The following AIM2 variants were observed in gnomAD, a reference collection of about 807,000 sequenced individuals.
AIM2 encodes absent in melanoma 2.
In AIM2, 30 loss-of-function variants were observed where a neutral mutation model predicts 27.7. That is an observed-to-expected ratio of 1.08 (90% CI 0.81 to 1.47). The LOEUF (loss-of-function observed/expected upper bound fraction) is 1.47, where lower values mean the gene tolerates loss of function less well. AIM2 is among the 40% of genes most tolerant of loss of function. The pLI is 0.00. For missense variants in AIM2, 358 were observed against 411.3 expected, an observed-to-expected ratio of 0.87 and a Z score of 1.12; for synonymous variants, 141 against 145.3, an observed-to-expected ratio of 0.97 and a Z score of 0.21.
At chr1:159,119,469 G>A (rs1316734860) in intron 1 of AIM2, among the ~76,000 whole-genome samples, 1 of 151,606 alleles carries the variant, frequency 6.6e-6, no homozygotes, top group African/African-American at 2.4e-5. Context: ...TTTTTTTGAT[G>A]CTCATATTGT....
At chr1:159,065,842 T>TAA (rs1172026765) in intron 4 of AIM2, 68 bp downstream of exon 4, 11 of 1,473,564 alleles carry the variant, frequency 7.5e-6, no homozygotes, top group Non-Finnish European at 1.0e-5. Flanking sequence ...TTTCCAAAGT[T>TAA]TCTTTAAGAT....
At chr1:159,131,656 T>C (rs1647888707) in intron 1 of AIM2, among the ~76,000 whole-genome samples, 1 of 152,162 alleles carries the variant, frequency 6.6e-6, no homozygotes, top group Non-Finnish European at 1.5e-5. Flanking sequence ...GACATATTCA[T>C]TTCAGTTGGA....
chr1:159,073,261 C>T lies in AIM2; in HGVS notation c.239G>A (p.Arg80His), dbSNP rs1173989623. 4.3e-6 allele frequency: 7 copies of T among 1,614,048 alleles called. No individual in the cohort carries two copies. The highest frequency in any genetic ancestry group is 4.0e-5 in the African/African-American group (3 of 74,910). ...ACCTTTCTCCTTCTCCTCCTGAAGACGTTTTGCCAAAAGCATATAATTCAA... is the reference window on the plus strand; with the variant it reads ...ACCTTTCTCCTTCTCCTCCTGAAGATGTTTTGCCAAAAGCATATAATTCAA... ...QKLNYMLLAK[R>H]LQEEKEKVDK... Residue 80 changes from arginine to histidine, a missense_variant, in exon 2 of 6, where the codon CGT becomes CAT. Transcript: ENST00000368130.
intron 1 of AIM2, among the ~76,000 whole-genome samples, chr1:159,082,149 G>T (rs1656792243): frequency 6.6e-6 from 1 of 152,122 alleles, no homozygotes. Flanking sequence ...AATAGAATTG[G>T]CATTCTTGAC....
intron 1 of AIM2, among the ~76,000 whole-genome samples, chr1:159,119,925 T>C (rs1122609): frequency 0.49 from 74,715 of 151,898 alleles, 21,780 homozygotes; most frequent in Admixed American, 0.65. Flanking sequence ...AAATTAGAGA[T>C]ACATTATATA....
At chr1:159,087,942 C>A (rs1656956381) in intron 1 of AIM2, among the ~76,000 whole-genome samples, 1 of 152,060 alleles carries the variant, frequency 6.6e-6, no homozygotes, top group Admixed American at 6.5e-5. Context: ...CCAGAGTGAT[C>A]CTTTGATCCC....
At position 159,066,190 on chromosome 1, in the gene AIM2, G is replaced by C; in HGVS notation, c.536C>G (p.Ala179Gly). The change falls in exon 4 of 6, where the codon GCT becomes GGT. Residue 179 changes from alanine to glycine, a missense_variant. Physicochemically the swap from Ala to Gly is moderately conservative, Grantham distance 60 (BLOSUM62 0). Coordinates refer to ENST00000368130, the MANE Select transcript of AIM2 (RefSeq NM_004833.3). ...GAATTCCTTTTCTGTAGCCACTGTAGCATGAAACATCTCCTGCTTGCCTTC... is the reference window on the plus strand; with the variant it reads ...GAATTCCTTTTCTGTAGCCACTGTACCATGAAACATCTCCTGCTTGCCTTC... ...TQEGKQEMFH[A>G]TVATEKEFFF... 1 of 1,614,190 alleles carries C rather than the reference G, an allele frequency of 6.2e-7. No individual in the cohort carries two copies. The highest frequency in any genetic ancestry group is 8.5e-7 in the Non-Finnish European group (1 of 1,180,032).
At chr1:159,136,184 C>T (rs1648007014) in intron 1 of AIM2, among the ~76,000 whole-genome samples, 1 of 152,140 alleles carries the variant, frequency 6.6e-6, no homozygotes, top group African/African-American at 2.4e-5. Context: ...TAGGACTCCG[C>T]TTGAAGAAGA....
At chr1:159,109,210 C>T (rs760714138) in intron 1 of AIM2, among the ~76,000 whole-genome samples, 1 of 152,014 alleles carries the variant, frequency 6.6e-6, no homozygotes, top group Non-Finnish European at 1.5e-5. Flanking sequence ...TAAAAATAGG[C>T]ACATAGAGCA....
chr1:159,068,341 A>G (rs1557892613), intron 3 of AIM2, among the ~76,000 whole-genome samples: 1 of 152,222 alleles, frequency 6.6e-6, no homozygotes, highest in East Asian at 1.9e-4. Context: ...AAAACATAAC[A>G]AAGTGTTAAT....
downstream of AIM2, among the ~76,000 whole-genome samples, chr1:159,062,054 T>G (rs1205405154): frequency 6.6e-6 from 1 of 152,184 alleles, no homozygotes; most frequent in East Asian, 1.9e-4. Context: ...CTAATTGTTG[T>G]TGTAGCTTTT....
chr1:159,112,848 T>C (rs1444013186), intron 1 of AIM2, among the ~76,000 whole-genome samples: 1 of 151,950 alleles, frequency 6.6e-6, no homozygotes, highest in Non-Finnish European at 1.5e-5. Context: ...ATGAGAGTTT[T>C]TCTACTAGAC....
At chr1:159,130,011 G>A (rs1398019772) in intron 1 of AIM2, among the ~76,000 whole-genome samples, 1 of 152,170 alleles carries the variant, frequency 6.6e-6, no homozygotes, top group Non-Finnish European at 1.5e-5. Context: ...CTCCACTGAA[G>A]CTTCCCTTGA....
the AIM2 span, among the ~76,000 whole-genome samples, chr1:159,055,602 CT>C: frequency 6.6e-6 from 1 of 152,222 alleles, no homozygotes; most frequent in African/African-American, 2.4e-5. Flanking sequence ...TCTTCACGCA[CT>C]TTCAAACCAT....
At chr1:159,112,090 A>G (rs1657589578) in intron 1 of AIM2, among the ~76,000 whole-genome samples, 1 of 152,076 alleles carries the variant, frequency 6.6e-6, no homozygotes, top group Non-Finnish European at 1.5e-5. Flanking sequence ...AAATCTAAAT[A>G]TTTCAATTAC....
At chr1:159,136,452 A>G (rs1648010725) in intron 1 of AIM2, among the ~76,000 whole-genome samples, 1 of 152,210 alleles carries the variant, frequency 6.6e-6, no homozygotes. Context: ...CTACATTCAT[A>G]CAAGTAAATA....
chr1:159,112,159 A>G (rs1657590585), intron 1 of AIM2, among the ~76,000 whole-genome samples: 1 of 152,230 alleles, frequency 6.6e-6, no homozygotes, highest in East Asian at 1.9e-4. Flanking sequence ...GGAATAAGAC[A>G]TACTCCAGTT....
At chr1:159,061,611 G>A (rs1169471803), downstream of AIM2, among the ~76,000 whole-genome samples, 8 of 140,598 alleles carry the variant, frequency 5.7e-5, no homozygotes, top group Non-Finnish European at 1.2e-4. Context: ...CACCATGTTG[G>A]CCAGGCTGGT....
intron 1 of AIM2, among the ~76,000 whole-genome samples, chr1:159,146,351 C>T (rs1331189963): frequency 6.6e-6 from 1 of 152,036 alleles, no homozygotes; most frequent in Admixed American, 6.6e-5. Context: ...GAATCAGGAC[C>T]CTCTATCCTG....
Sources: gnomAD v4.1 joint callset for allele counts (sites outside exome capture counted in the v4.1 genomes callset) on GRCh38, gnomAD v4.1.1 for gene constraint, MANE v1.5 for transcripts, NCBI Gene and HGNC (gene_info 2026-07-23, HGNC 2026-07-21) for gene names.